The following BRAT1 variants were observed in gnomAD, a reference collection of about 807,000 sequenced individuals.
BRAT1 encodes integrator complex assembly factor BRAT1.
In BRAT1, 74 loss-of-function variants were observed where a neutral mutation model predicts 70.6. The ratio of observed to expected loss-of-function variants is 1.05; its 90% confidence interval spans 0.87 to 1.27. BRAT1 has a LOEUF of 1.27. BRAT1 is among the 50% of genes most tolerant of loss of function. The probability of loss-of-function intolerance (pLI) is 0.00; values close to 1 mark genes in which losing one functional copy is unlikely to be tolerated. For missense variants in BRAT1, 1,203 were observed against 1,098.2 expected (o/e 1.10, Z -1.35); for synonymous variants, 615 against 517.1 (o/e 1.19, Z -2.57).
intron 12 of BRAT1, 91 bp downstream of exon 12, chr7:2,539,453 T>A: frequency 6.7e-7 from 1 of 1,503,314 alleles, no homozygotes; most frequent in Middle Eastern, 2.2e-4. Context: ...TGGCCCAAGT[T>A]TCTAGAGCCA....
chr7:2,539,377 G>GA, intron 12 of BRAT1, 26 bp from the exon 13 acceptor site: 1 of 1,586,796 alleles, frequency 6.3e-7, no homozygotes, highest in Non-Finnish European at 8.6e-7. Context: ...GCCACATGCA[G>GA]CTGTGACTGA....
Position 2,546,883 on chromosome 7 carries a change from C to T in BRAT1, c.282+441G>A, listed in dbSNP as rs540132586. Among the ~76,000 whole-genome samples, 10 of 152,190 alleles carry T rather than the reference C, an allele frequency of 6.6e-5. No individual in the cohort carries two copies. In the South Asian group the frequency reaches 1.7e-3, roughly 25 times the overall value. Reference sequence around the variant, plus strand: ...GCAGGATGTGCGGTCTCATTTGGTCCTCACGACAACCCCACGGCGCAGCTA... The same window carrying T: ...GCAGGATGTGCGGTCTCATTTGGTCTTCACGACAACCCCACGGCGCAGCTA... On this transcript the variant is annotated intron_variant, in intron 3 of 13. Transcript: ENST00000340611.
At chr7:2,544,806 G>C in intron 4 of BRAT1, 103 bp downstream of exon 4, 1 of 1,467,566 alleles carries the variant, frequency 6.8e-7, no homozygotes, top group South Asian at 1.3e-5. Context: ...CAACAACCCT[G>C]AGACATCGCA....
intron 10 of BRAT1, 142 bp downstream of exon 10, chr7:2,540,837 G>T: frequency 1.1e-6 from 1 of 892,568 alleles, no homozygotes; most frequent in Non-Finnish European, 1.6e-6. Flanking sequence ...CACCTGCATC[G>T]TGAAGCTCTC....
chr7:2,539,155 G>C (rs778382717), intron 13 of BRAT1, 24 bp downstream of exon 13: 2 of 1,578,010 alleles, frequency 1.3e-6, no homozygotes, highest in African/African-American at 1.3e-5. Flanking sequence ...GGAGTTGCTG[G>C]CTGAGGAACC....
chr7:2,540,777 G>A (rs1779083719), intron 10 of BRAT1: 5 of 495,954 alleles, frequency 1.0e-5, no homozygotes, highest in Admixed American at 4.3e-5. Context: ...ACACCCCTGC[G>A]TGCTGATGTA....
chr7:2,545,398 G>T (rs530439509), intron 3 of BRAT1, among the ~76,000 whole-genome samples: 1 of 132,416 alleles, frequency 7.6e-6, no homozygotes, highest in East Asian at 2.1e-4. Flanking sequence ...AAAGAGGTGA[G>T]GGGACCTGGT....
intron 2 of BRAT1, 87 bp from the exon 3 acceptor site, chr7:2,547,565 G>T: frequency 6.9e-7 from 1 of 1,448,842 alleles, no homozygotes; most frequent in South Asian, 1.2e-5. Context: ...GCAATTCCCA[G>T]ACCCTTTTCT....
intron 1 of BRAT1, among the ~76,000 whole-genome samples, chr7:2,554,902 CT>C (rs1423505860): frequency 1.3e-5 from 2 of 152,138 alleles, no homozygotes; most frequent in Non-Finnish European, 2.9e-5. Context: ...CAAGTGGTGG[CT>C]GCATTTGACG....
At chr7:2,545,939 C>T (rs149894630) in intron 3 of BRAT1, among the ~76,000 whole-genome samples, 126 of 152,332 alleles carry the variant, frequency 8.3e-4, no homozygotes, top group African/African-American at 2.8e-3. Flanking sequence ...AACTGGGGGG[C>T]ATCGTGAACG....
chr7:2,549,757 G>A (rs1446160826), intron 2 of BRAT1, among the ~76,000 whole-genome samples: 1 of 152,188 alleles, frequency 6.6e-6, no homozygotes, highest in Non-Finnish European at 1.5e-5. Context: ...CGACAGGAAA[G>A]GCTGGGAGCA....
Position 2,538,592 on chromosome 7 carries a change from C to G in BRAT1, c.1943G>C (p.Trp648Ser). Reference sequence around the variant, plus strand: ...CTCCAGGCCCTGGGCGCGGACCTCCCAGTCCAGGTCTCGGCTCGCCGCCTG... The same window carrying G: ...CTCCAGGCCCTGGGCGCGGACCTCCGAGTCCAGGTCTCGGCTCGCCGCCTG... ...VLQAASRDLD[W>S]EVRAQGLELA... The change falls in exon 14 of 14, where the codon TGG becomes TCG. Residue 648 changes from tryptophan to serine, a missense_variant. By Grantham distance (177) the Trp-to-Ser change is radical. Coordinates refer to ENST00000340611, the MANE Select transcript of BRAT1 (RefSeq NM_152743.4). 1 of 1,599,444 alleles carries G rather than the reference C, an allele frequency of 6.3e-7. No individual in the cohort carries two copies. Among genetic ancestry groups the G allele is most frequent in the South Asian group, 1.1e-5 (1 of 90,926 alleles).
intron 6 of BRAT1, chr7:2,542,524 A>AGCCTCCCG: frequency 2.4e-6 from 1 of 422,080 alleles, no homozygotes; most frequent in Non-Finnish European, 4.3e-6. Context: ...GGGTGCCCCC[A>AGCCTCCCG]GGTGTGTACA....
At chr7:2,554,198 C>T (rs1780241503) in intron 2 of BRAT1, 107 bp downstream of exon 2, 4 of 1,435,774 alleles carry the variant, frequency 2.8e-6, no homozygotes, top group Non-Finnish European at 3.8e-6. Context: ...TTGGCAGTTT[C>T]TGCCCTTCCT....
Position 2,543,958 on chromosome 7 carries a change from C to G in BRAT1, c.435G>C (p.Ala145=). The change falls in exon 5 of 14, where the codon GCG becomes GCC. Residue 145 remains alanine, a synonymous_variant. Transcript: ENST00000340611. The surrounding 1 kb of genome is among the most constrained non-coding windows in gnomAD (Gnocchi z 5.5). ...CCTGCAGGGAGAAGATGGTGTCGAC[C>G]GCACCTGGGTAGGGGATGGGGGAAG... The part of the protein sequence containing the change: ...SALRFLADHG[A]VDTIFSLQGD... 6.4e-7 allele frequency: 1 copy of G among 1,568,412 alleles called. No individual in the cohort carries two copies. Among genetic ancestry groups the G allele is most frequent in the Non-Finnish European group, 8.7e-7 (1 of 1,150,844 alleles).
chr7:2,548,208 T>G (rs1293702701), intron 2 of BRAT1, among the ~76,000 whole-genome samples: 1 of 152,060 alleles, frequency 6.6e-6, no homozygotes. Context: ...TCTCCAGAAC[T>G]GGCATCCTGT....
chr7:2,544,564 A>G (rs1228114050), intron 4 of BRAT1, among the ~76,000 whole-genome samples: 1 of 152,060 alleles, frequency 6.6e-6, no homozygotes, highest in Admixed American at 6.6e-5. Flanking sequence ...GCAGTGGCTC[A>G]ACCACTGCTC....
Position 2,537,980 on chromosome 7 carries a change from G to A in BRAT1, c.*89C>T. ...TTCCCCAGAGGATCCACCGGGCTGG[G>A]CTGGAGCCCTGGGGCTGGCAGTGTC... On this transcript the variant is annotated 3_prime_UTR_variant, in exon 14 of 14. Coordinates refer to ENST00000340611, the MANE Select transcript of BRAT1 (RefSeq NM_152743.4). 2 of 1,435,478 alleles carry A rather than the reference G, an allele frequency of 1.4e-6. No individual in the cohort carries two copies. Among genetic ancestry groups the A allele is most frequent in the Non-Finnish European group, 1.8e-6 (2 of 1,096,228 alleles). The allele number at this position is 1,435,478 out of a possible 1,614,324, so 88.9% of individuals were successfully genotyped here. A position where few individuals can be genotyped will look rare whatever the true frequency, so the allele number is the denominator to read the frequency against.
Position 2,544,150 on chromosome 7 carries a change from G to A in BRAT1, c.431-188C>T, listed in dbSNP as rs1050845549. Reference sequence around the variant, plus strand: ...GGAGACAAGCACCTCCTCCCCCCGAGCGTTAAACACACACAGCTTGTGATG... The same window carrying A: ...GGAGACAAGCACCTCCTCCCCCCGAACGTTAAACACACACAGCTTGTGATG... On this transcript the variant is annotated intron_variant, in intron 4 of 13. Coordinates refer to ENST00000340611, the MANE Select transcript of BRAT1 (RefSeq NM_152743.4). The A allele has an allele frequency of 3.3e-5, 15 of 450,770 alleles. No homozygotes were observed. The South Asian group carries it at 6.3e-4, about 19-fold the overall frequency. 27.9% of individuals were successfully genotyped at this position (450,770 alleles called of 1,614,324 possible). A position where few individuals can be genotyped will look rare whatever the true frequency, so the allele number is the denominator to read the frequency against.
Sources: gnomAD v4.1 joint callset for allele counts (sites outside exome capture counted in the v4.1 genomes callset) on GRCh38, gnomAD v4.1.1 for gene constraint, Gnocchi (gnomAD v3.1) non-coding constraint, MANE v1.5 for transcripts, NCBI Gene and HGNC (gene_info 2026-07-23, HGNC 2026-07-21) for gene names.